Variants in VRK2 observed in about 807,000 individuals in gnomAD.
VRK2 encodes the protein VRK serine/threonine kinase 2.
A neutral mutation model predicts 57.6 loss-of-function variants in VRK2; 60 were observed. That is an observed-to-expected ratio of 1.04 (90% CI 0.85 to 1.29). VRK2 has a LOEUF of 1.29. Ranked by LOEUF, VRK2 falls within the 50% of genes most tolerant of loss-of-function variation. The probability of loss-of-function intolerance (pLI) is 0.00; values close to 1 mark genes in which losing one functional copy is unlikely to be tolerated. For missense variants in VRK2, 705 were observed against 588.1 expected, an observed-to-expected ratio of 1.20 and a Z score of -2.06; for synonymous variants, 231 against 199.2, an observed-to-expected ratio of 1.16 and a Z score of -1.35.
intron 1 of VRK2, among the ~76,000 whole-genome samples, chr2:57,997,515 T>C (rs1336836005): frequency 6.6e-6 from 1 of 152,168 alleles, no homozygotes; most frequent in Non-Finnish European, 1.5e-5. Context: ...CTGTCTTAAA[T>C]TGGGAAACAT....
chr2:58,028,152 G>T (rs145817788), intron 2 of VRK2: 1 of 152,118 alleles, frequency 6.6e-6, no homozygotes, highest in African/African-American at 2.4e-5. Flanking sequence ...AGGATAGAGC[G>T]CAAGGAAAAC....
intron 1 of VRK2, among the ~76,000 whole-genome samples, chr2:58,008,534 AAAG>A (rs1206033455): frequency 1.3e-5 from 2 of 152,066 alleles, no homozygotes; most frequent in Non-Finnish European, 2.9e-5. Context: ...GGAAGGAAGA[AAAG>A]AAGGAAGGCA....
chr2:57,999,681 G>C (rs1359355588), intron 1 of VRK2, among the ~76,000 whole-genome samples: 3 of 152,136 alleles, frequency 2.0e-5, no homozygotes, highest in Non-Finnish European at 4.4e-5. Context: ...ATCAGTTGTA[G>C]CAAGCATATG....
rs375339046 is a variant in VRK2, at chr2:57,920,479, T to C, written c.-439+12640T>C. Among the ~76,000 whole-genome samples, 54 of 152,270 alleles carry C rather than the reference T, an allele frequency of 3.5e-4. 1 individual carries two copies. In the South Asian group the frequency reaches 0.011, roughly 30 times the overall value. ...ATTTGTAAACAGACTTCAGTTTTAC[T>C]TTCTGCAGATGAGAAAGAGACCTCA... On this transcript the variant is annotated intron_variant, in intron 1 of 15. Coordinates refer to the VRK2 transcript ENST00000417641.
At chr2:57,955,974 G>C (rs1225355328) in intron 1 of VRK2, among the ~76,000 whole-genome samples, 2 of 152,074 alleles carry the variant, frequency 1.3e-5, no homozygotes, top group Non-Finnish European at 2.9e-5. Flanking sequence ...GATGAATTTG[G>C]TTTAATGTAG....
At chr2:58,031,029 G>C (rs747755578) in intron 2 of VRK2, among the ~76,000 whole-genome samples, 2 of 151,950 alleles carry the variant, frequency 1.3e-5, no homozygotes, top group Non-Finnish European at 2.9e-5. Flanking sequence ...GTCACTCCCA[G>C]CATGCACACC....
chr2:58,049,047 G>A, intron 2 of VRK2, 80 bp downstream of exon 2: 15 of 1,490,674 alleles, frequency 1.0e-5, no homozygotes, highest in Non-Finnish European at 1.4e-5. Context: ...TTTAAGAATG[G>A]AAATATGGAA....
chr2:57,932,841 T>C (rs1325331878), intron 1 of VRK2, among the ~76,000 whole-genome samples: 1 of 152,168 alleles, frequency 6.6e-6, no homozygotes, highest in Admixed American at 6.5e-5. Context: ...AAACCTCCCT[T>C]AGCACTGCTT....
chr2:58,134,400 A>G (rs1679667298), intron 9 of VRK2, among the ~76,000 whole-genome samples: 3 of 151,584 alleles, frequency 2.0e-5, no homozygotes, highest in South Asian at 4.2e-4. Context: ...TCATGAGGTC[A>G]GGAGATCGAG....
intron 7 of VRK2, among the ~76,000 whole-genome samples, chr2:58,098,219 T>C (rs529273185): frequency 5.9e-4 from 90 of 152,260 alleles, no homozygotes; most frequent in Middle Eastern, 3.4e-3. Flanking sequence ...CTAAGTGTTA[T>C]GACAAAAGAG....
chr2:57,981,283 C>A (rs929452154), intron 1 of VRK2, among the ~76,000 whole-genome samples: 19 of 152,156 alleles, frequency 1.2e-4, no homozygotes, highest in African/African-American at 4.6e-4. Flanking sequence ...TTCCATTTCT[C>A]TTTCACTTAT....
chr2:57,951,364 A>C (rs6730432), intron 1 of VRK2, among the ~76,000 whole-genome samples: 342 of 152,300 alleles, frequency 2.2e-3, no homozygotes, highest in African/African-American at 7.9e-3. Flanking sequence ...CGAGCAAAGA[A>C]AGTGGTTTCC....
intron 2 of VRK2, among the ~76,000 whole-genome samples, chr2:58,052,504 G>A (rs1675898856): frequency 6.6e-6 from 1 of 151,680 alleles, no homozygotes; most frequent in African/African-American, 2.4e-5. Context: ...TCAGGAGGCT[G>A]TGGCATGAGA....
At chr2:58,080,106 G>A (rs1315967433) in intron 2 of VRK2, among the ~76,000 whole-genome samples, 2 of 151,830 alleles carry the variant, frequency 1.3e-5, no homozygotes, top group East Asian at 1.9e-4. Flanking sequence ...CTTTATTTGT[G>A]GAGTTTACAT....
rs751083115 is a variant in VRK2 at position 58,089,663 on chromosome 2, A to G, written c.483A>G (p.Glu161=). The stretch of plus-strand genomic sequence containing the variant: ...TACTGGAATATATACATGAAAATGA[A>G]TATGTTCATGGTGATATAAAAGCAG... The part of the protein sequence containing the change: ...LDVLEYIHEN[E]YVHGDIKAAN... Residue 161 remains glutamate, a synonymous_variant, in exon 7 of 13, where the codon GAA becomes GAG. Transcript: ENST00000340157. 15 of 1,606,948 alleles carry G rather than the reference A, an allele frequency of 9.3e-6. No individual in the cohort carries two copies. The highest frequency in any genetic ancestry group is 1.7e-5 in the Admixed American group (1 of 58,870).
intron 5 of VRK2, among the ~76,000 whole-genome samples, chr2:58,087,035 G>C (rs1241168865): frequency 6.6e-6 from 1 of 152,086 alleles, no homozygotes; most frequent in Non-Finnish European, 1.5e-5. Flanking sequence ...CAACAAATAA[G>C]TTATAGAAAT....
rs74819791 is a variant in VRK2, at chr2:57,945,684, C to T, written c.-439+37845C>T. Reference sequence around the variant, plus strand: ...TCTACCTATACTTCATTGTTAAAAGCTAGTCACATGGACATGGATGTATAC... The same window carrying T: ...TCTACCTATACTTCATTGTTAAAAGTTAGTCACATGGACATGGATGTATAC... On this transcript the variant is annotated intron_variant, in intron 1 of 15. Coordinates refer to the VRK2 transcript ENST00000417641. 1.0e-2 allele frequency among the ~76,000 whole-genome samples: 1,515 copies of T among 152,206 alleles called. 25 individuals are homozygous for T. The highest frequency in any genetic ancestry group is 0.035 in the African/African-American group (1,437 of 41,534).
chr2:57,964,503 T>C (rs1671853163), intron 1 of VRK2, among the ~76,000 whole-genome samples: 1 of 151,874 alleles, frequency 6.6e-6, no homozygotes, highest in Admixed American at 6.6e-5. Flanking sequence ...CACAGCAATT[T>C]GTATTGAAAA....
chr2:58,070,563 G>A (rs1044471306), intron 2 of VRK2, among the ~76,000 whole-genome samples: 3 of 152,106 alleles, frequency 2.0e-5, no homozygotes, highest in African/African-American at 7.2e-5. Flanking sequence ...CATATAGTTA[G>A]AATCCTACAC....
Sources: allele counts gnomAD v4.1 joint callset (sites outside exome capture counted in the v4.1 genomes callset), GRCh38; gene constraint gnomAD v4.1.1; transcripts MANE v1.5; gene names NCBI Gene and HGNC (gene_info 2026-07-23, HGNC 2026-07-21).